Variants in HIPK2 observed in about 807,000 individuals in gnomAD.
HIPK2 encodes homeodomain-interacting protein kinase 2.
In HIPK2, 27 loss-of-function variants were observed where a neutral mutation model predicts 113.7. The ratio of observed to expected loss-of-function variants is 0.24; its 90% CI spans 0.17 to 0.33. HIPK2 has a LOEUF of 0.33. HIPK2 is among the 10% of genes least tolerant of loss of function. HIPK2 has a pLI of 1.00. For synonymous variants in HIPK2, 631 were observed against 642.2 expected, an observed-to-expected ratio of 0.98 and a Z score of 0.26; for missense variants, 1,257 against 1,588.0, an observed-to-expected ratio of 0.79 and a Z score of 3.54.
intron 2 of HIPK2, among the ~76,000 whole-genome samples, chr7:139,639,721 C>T (rs1048907142): frequency 6.6e-6 from 1 of 152,142 alleles, no homozygotes; most frequent in African/African-American, 2.4e-5. Flanking sequence ...ATCTCCAGCG[C>T]CTAGCACGCA....
At chr7:139,656,752 T>C (rs1247713265) in intron 2 of HIPK2, among the ~76,000 whole-genome samples, 3 of 152,194 alleles carry the variant, frequency 2.0e-5, no homozygotes, top group Non-Finnish European at 4.4e-5. Context: ...TCCCTGTCAT[T>C]TGTGCACACC....
chr7:139,579,289 C>T lies in HIPK2; in HGVS notation c.2966-4001G>A, dbSNP rs561874158. 5.8e-4 allele frequency among the ~76,000 whole-genome samples: 88 copies of T among 152,232 alleles called. 2 individuals are homozygous for T. The South Asian group carries it at 0.013, about 23-fold the overall frequency. ...TGCAAGATGTCCAAAGACAGATCTA[C>T]ACCTCACGTTCAGAAGCAAGAATTC... On this transcript the variant is annotated intron_variant, in intron 13 of 14. Transcript: ENST00000406875.
At chr7:139,680,293 C>T (rs1014693018) in intron 2 of HIPK2, among the ~76,000 whole-genome samples, 2 of 152,216 alleles carry the variant, frequency 1.3e-5, no homozygotes, top group East Asian at 1.9e-4. Flanking sequence ...GATTCAGTCA[C>T]GATTAACACC....
intron 1 of HIPK2, among the ~76,000 whole-genome samples, chr7:139,745,993 C>G (rs925734327): frequency 3.3e-5 from 5 of 152,144 alleles, no homozygotes; most frequent in African/African-American, 7.2e-5. Flanking sequence ...AAGCAAAGCT[C>G]GAGCCAGGAG....
chr7:139,561,712 A>T lies in HIPK2; in HGVS notation c.*11215T>A, dbSNP rs551348568. On this transcript the variant is annotated 3_prime_UTR_variant, in exon 15 of 15. Coordinates refer to ENST00000406875, the MANE Select transcript of HIPK2 (RefSeq NM_022740.5). ...GAGACCGAAAAAATGATCAAAAAGAAACTATGAGTAACAAGCTATAACATA... is the reference window on the plus strand; with the variant it reads ...GAGACCGAAAAAATGATCAAAAAGATACTATGAGTAACAAGCTATAACATA... 1 of 152,302 alleles carries T rather than the reference A, an allele frequency of 6.6e-6. No individual in the cohort carries two copies. Among genetic ancestry groups the T allele is most frequent in the Non-Finnish European group, 1.5e-5 (1 of 68,030 alleles). 9.4% of individuals were successfully genotyped at this position (152,302 alleles called of 1,614,324 possible). A position where few individuals can be genotyped will look rare whatever the true frequency, so the allele number is the denominator to read the frequency against.
intron 2 of HIPK2, among the ~76,000 whole-genome samples, chr7:139,633,095 C>CAAA (rs942820284): frequency 1.2e-3 from 90 of 74,470 alleles, no homozygotes; most frequent in Non-Finnish European, 1.4e-3. Context: ...GACCCTGTCT[C>CAAA]AAAAAAAAAA....
At chr7:139,752,707 C>G (rs1796297283) in intron 1 of HIPK2, among the ~76,000 whole-genome samples, 1 of 149,236 alleles carries the variant, frequency 6.7e-6, no homozygotes, top group African/African-American at 2.5e-5. Context: ...ACAGCTGGCA[C>G]TGCTTTTTTC....
At chr7:139,667,530 T>C (rs1802090805) in intron 2 of HIPK2, among the ~76,000 whole-genome samples, 1 of 152,196 alleles carries the variant, frequency 6.6e-6, no homozygotes, top group African/African-American at 2.4e-5. Context: ...TGACAACTAG[T>C]AACACTGCAG....
intron 1 of HIPK2, among the ~76,000 whole-genome samples, chr7:139,748,228 C>T (rs984014954): frequency 1.6e-4 from 24 of 152,096 alleles, no homozygotes; most frequent in African/African-American, 5.3e-4. Context: ...CTTTTGGAAC[C>T]CTCAGCCCTA....
rs975586928 is a variant in HIPK2 at position 139,569,574 on chromosome 7, G to A, written c.*3353C>T. 3.3e-5 allele frequency: 5 copies of A among 152,180 alleles called. No homozygotes were observed. The highest frequency in any genetic ancestry group is 7.3e-5 in the Non-Finnish European group (5 of 68,036). 9.4% of individuals were successfully genotyped at this position (152,180 alleles called of 1,614,324 possible). A position where few individuals can be genotyped will look rare whatever the true frequency, so the allele number is the denominator to read the frequency against. ...AGATGCCACCTGACGTCGCATCCCA[G>A]GCCTCTGGGATCTAGAAAATGACAA... On this transcript the variant is annotated 3_prime_UTR_variant, in exon 15 of 15. Coordinates refer to ENST00000406875, the MANE Select transcript of HIPK2 (RefSeq NM_022740.5).
chr7:139,724,339 G>C (rs1273985044), intron 1 of HIPK2, among the ~76,000 whole-genome samples: 1 of 151,938 alleles, frequency 6.6e-6, no homozygotes, highest in East Asian at 1.9e-4. Flanking sequence ...ATTTCACAAG[G>C]AGTACACAGA....
intron 10 of HIPK2, among the ~76,000 whole-genome samples, chr7:139,602,770 G>A (rs951828061): frequency 5.9e-5 from 9 of 152,148 alleles, no homozygotes; most frequent in African/African-American, 1.7e-4. Context: ...GTCATGTACC[G>A]GGCACTGCGA....
At chr7:139,708,373 T>C (rs1265438075) in intron 2 of HIPK2, among the ~76,000 whole-genome samples, 1 of 139,660 alleles carries the variant, frequency 7.2e-6, no homozygotes, top group Non-Finnish European at 1.5e-5. Flanking sequence ...CAATAAACTG[T>C]GTGTGTGTTT....
intron 2 of HIPK2, among the ~76,000 whole-genome samples, chr7:139,661,000 C>T (rs1801849153): frequency 6.7e-6 from 1 of 148,444 alleles, no homozygotes; most frequent in African/African-American, 2.5e-5. Flanking sequence ...CTCTAAAAGA[C>T]ACCTTTTTAT....
At chr7:139,766,158 G>A (rs562584625) in intron 1 of HIPK2, among the ~76,000 whole-genome samples, 1 of 152,328 alleles carries the variant, frequency 6.6e-6, no homozygotes, top group African/African-American at 2.4e-5. Flanking sequence ...GCACTCAGGA[G>A]CTGCCTCACC....
chr7:139,699,367 G>A (rs1233670265), intron 2 of HIPK2, among the ~76,000 whole-genome samples: 2 of 152,132 alleles, frequency 1.3e-5, no homozygotes, highest in African/African-American at 4.8e-5. Context: ...ATTTAAGTGT[G>A]GTGAGTCTCG....
At position 139,596,820 on chromosome 7, in the gene HIPK2, G is replaced by T; in HGVS notation, c.2614C>A (p.Arg872=). Reference sequence around the variant, plus strand: ...GTGTCGGGAATGACAATTGTCTGCCGCTGCCGTTCCCGGGTGGTGCTGGAG... The same window carrying T: ...GTGTCGGGAATGACAATTGTCTGCCTCTGCCGTTCCCGGGTGGTGCTGGAG... The part of the protein sequence containing the change: ...VASSTTRERQ[R]QTIVIPDTPS... The change falls in exon 12 of 15, where the codon CGG becomes AGG. Residue 872 remains arginine (R), a synonymous_variant. Coordinates refer to ENST00000406875, the MANE Select transcript of HIPK2 (RefSeq NM_022740.5). The T allele has an allele frequency of 6.2e-7, 1 of 1,613,932 alleles. No homozygotes were observed. Among genetic ancestry groups the T allele is most frequent in the Non-Finnish European group, 8.5e-7 (1 of 1,179,874 alleles).
chr7:139,665,244 G>T (rs991073679), intron 2 of HIPK2, among the ~76,000 whole-genome samples: 4 of 152,036 alleles, frequency 2.6e-5, no homozygotes, highest in Admixed American at 2.6e-4. Flanking sequence ...TTACTATGTT[G>T]CCCAGGCTGG....
intron 2 of HIPK2, among the ~76,000 whole-genome samples, chr7:139,693,107 C>T (rs1794457687): frequency 6.6e-6 from 1 of 152,194 alleles, no homozygotes. Context: ...CTTTTGGAGG[C>T]AGAAAGACTC....
Sources: gnomAD v4.1 joint callset for allele counts (sites outside exome capture counted in the v4.1 genomes callset) on GRCh38, gnomAD v4.1.1 for gene constraint, MANE v1.5 for transcripts, NCBI Gene and HGNC (gene_info 2026-07-23, HGNC 2026-07-21) for gene names.